The following CNTNAP2 variants were observed in gnomAD, a reference collection of about 807,000 sequenced individuals.
The protein encoded by CNTNAP2 is contactin associated protein 2, also known as contactin-associated protein-like 2.
In CNTNAP2, 98 loss-of-function variants were observed where a neutral mutation model predicts 155.2. The ratio of observed to expected loss-of-function variants is 0.63; its 90% CI spans 0.54 to 0.75. The LOEUF (loss-of-function observed/expected upper bound fraction) is 0.75, where lower values mean the gene tolerates loss of function less well. CNTNAP2 is among the 30% of genes least tolerant of loss of function. The pLI is 0.00. For synonymous variants in CNTNAP2, 651 were observed against 631.2 expected (o/e 1.03, Z -0.47); for missense variants, 1,727 against 1,688.1 (o/e 1.02, Z -0.40).
chr7:146,573,963 G>A (rs1256817170), intron 1 of CNTNAP2, among the ~76,000 whole-genome samples: 1 of 152,108 alleles, frequency 6.6e-6, no homozygotes, highest in Non-Finnish European at 1.5e-5. Flanking sequence ...AACATTAGAT[G>A]TTATTATGTT....
chr7:146,483,326 T>TGTATATAC (rs1797005443), intron 1 of CNTNAP2, among the ~76,000 whole-genome samples: 1 of 79,260 alleles, frequency 1.3e-5, no homozygotes, highest in Non-Finnish European at 2.3e-5. Context: ...TATATATATA[T>TGTATATAC]ATACATATAT....
intron 9 of CNTNAP2, among the ~76,000 whole-genome samples, chr7:147,334,324 G>A (rs1008671385): frequency 1.3e-5 from 2 of 152,100 alleles, no homozygotes; most frequent in African/African-American, 4.8e-5. Flanking sequence ...TTTCTTCACA[G>A]GAATTGCTTG....
At chr7:147,419,043 A>C (rs1797245026) in intron 10 of CNTNAP2, among the ~76,000 whole-genome samples, 1 of 152,228 alleles carries the variant, frequency 6.6e-6, no homozygotes, top group Admixed American at 6.5e-5. Flanking sequence ...TAAAACCAAT[A>C]TAATCTATGA....
intron 11 of CNTNAP2, among the ~76,000 whole-genome samples, chr7:147,523,771 C>T (rs888618176): frequency 2.0e-5 from 3 of 152,178 alleles, no homozygotes; most frequent in Admixed American, 1.3e-4. Context: ...AATTCCCATG[C>T]CTAGTTCACA....
At chr7:148,394,176 G>A (rs1424649120) in intron 22 of CNTNAP2, among the ~76,000 whole-genome samples, 2 of 151,828 alleles carry the variant, frequency 1.3e-5, no homozygotes, top group African/African-American at 2.4e-5. Flanking sequence ...TAAGTTCTAC[G>A]TATTTTCTTC....
intron 1 of CNTNAP2, among the ~76,000 whole-genome samples, chr7:146,359,819 C>T (rs1795056866): frequency 1.3e-5 from 2 of 151,954 alleles, no homozygotes; most frequent in South Asian, 4.1e-4. Context: ...CGTGCGCATG[C>T]ATGTGTGGGC....
At chr7:147,044,308 A>G (rs943152560) in intron 4 of CNTNAP2, among the ~76,000 whole-genome samples, 1 of 152,092 alleles carries the variant, frequency 6.6e-6, no homozygotes, top group Admixed American at 6.5e-5. Flanking sequence ...CTTTAGGTTG[A>G]AGATTTGGAA....
chr7:148,032,470 G>A (rs553464909), intron 15 of CNTNAP2, among the ~76,000 whole-genome samples: 1 of 152,276 alleles, frequency 6.6e-6, no homozygotes, highest in South Asian at 2.1e-4. Context: ...CTGGAGCCCA[G>A]TGAAAGGTGC....
intron 1 of CNTNAP2, among the ~76,000 whole-genome samples, chr7:146,256,666 A>T (rs1799842765): frequency 6.6e-6 from 1 of 152,032 alleles, no homozygotes; most frequent in Non-Finnish European, 1.5e-5. Context: ...ATACTAAGAA[A>T]ATATAAGAAA....
rs10256317 is a variant in CNTNAP2, at chr7:146,762,912, C to A, written c.98-11359C>A. ...GCCCCCATGATTCAATTACCTCCAA[C>A]TGGGTCCCTCCCATGACATGTGGGA... is the stretch of plus-strand genomic sequence containing the variant. On this transcript the variant is annotated intron_variant, in intron 1 of 23. Transcript: ENST00000361727. Among the ~76,000 whole-genome samples, 1,369 of 152,270 alleles carry A rather than the reference C, an allele frequency of 9.0e-3. 21 individuals are homozygous for A. Among genetic ancestry groups the A allele is most frequent in the African/African-American group, 0.031 (1,284 of 41,560 alleles).
At chr7:147,730,235 A>C (rs1796715021) in intron 13 of CNTNAP2, among the ~76,000 whole-genome samples, 1 of 152,118 alleles carries the variant, frequency 6.6e-6, no homozygotes, top group African/African-American at 2.4e-5. Flanking sequence ...AGGGCAGATA[A>C]AATCCAATCA....
chr7:147,570,850 T>C (rs913320438), intron 12 of CNTNAP2, among the ~76,000 whole-genome samples: 8 of 152,220 alleles, frequency 5.3e-5, no homozygotes, highest in Non-Finnish European at 1.2e-4. Context: ...TTCACACATA[T>C]ATAGGAACAG....
At chr7:148,000,445 CA>C (rs1801876001) in intron 15 of CNTNAP2, among the ~76,000 whole-genome samples, 1 of 152,130 alleles carries the variant, frequency 6.6e-6, no homozygotes, top group Non-Finnish European at 1.5e-5. Flanking sequence ...CTTCACAAAT[CA>C]ACTCATTTAA....
chr7:146,931,713 G>C (rs1412478263), intron 3 of CNTNAP2, among the ~76,000 whole-genome samples: 1 of 136,974 alleles, frequency 7.3e-6, no homozygotes. Flanking sequence ...GAAAAAAAGA[G>C]AGAAGAATCA....
chr7:147,115,431 C>G (rs1800965875), intron 5 of CNTNAP2, among the ~76,000 whole-genome samples: 1 of 152,158 alleles, frequency 6.6e-6, no homozygotes, highest in South Asian at 2.1e-4. Context: ...TGATTCCATT[C>G]TCCCGGTCTC....
intron 8 of CNTNAP2, among the ~76,000 whole-genome samples, chr7:147,250,478 G>T (rs568031729): frequency 1.3e-5 from 2 of 152,182 alleles, no homozygotes; most frequent in African/African-American, 4.8e-5. Flanking sequence ...AATCCTTCTA[G>T]AAATTCCTGC....
At chr7:148,242,077 C>T (rs1406602) in intron 20 of CNTNAP2, among the ~76,000 whole-genome samples, 107,697 of 152,006 alleles carry the variant, frequency 0.71, 39,508 homozygotes, top group East Asian at 0.95. Flanking sequence ...ACATAAATCA[C>T]CTCTCAAGAA....
intron 3 of CNTNAP2, among the ~76,000 whole-genome samples, chr7:146,971,794 G>T (rs1048837424): frequency 1.3e-5 from 2 of 152,046 alleles, no homozygotes; most frequent in Non-Finnish European, 2.9e-5. Flanking sequence ...GACCCCACCT[G>T]CTAATACCCC....
chr7:148,017,142 G>A lies in CNTNAP2; in HGVS notation c.2383+39153G>A, dbSNP rs530253747. 3.3e-5 allele frequency among the ~76,000 whole-genome samples: 5 copies of A among 152,332 alleles called. No individual in the cohort carries two copies. In the East Asian group the frequency reaches 9.6e-4, roughly 29 times the overall value. On this transcript the variant is annotated intron_variant, in intron 15 of 23. Transcript: ENST00000361727. ...GTCCTGCCCGGATCTCAGCACCTGA[G>A]CTTCTCATCTGCGTATGGTTGCTCA...
Sources: allele counts gnomAD v4.1 joint callset (sites outside exome capture counted in the v4.1 genomes callset), GRCh38; gene constraint gnomAD v4.1.1; transcripts MANE v1.5; gene names NCBI Gene and HGNC (gene_info 2026-07-23, HGNC 2026-07-21).